SPEF1: variants seen among roughly 807,000 people sequenced by gnomAD.
The protein encoded by SPEF1 is sperm flagellar and cilia associated 1, also known as sperm flagella and cilia-associated protein 1.
Under a neutral mutation model 31.8 loss-of-function variants are expected in SPEF1, and 30 were observed. The observed-to-expected ratio is 0.94, with a 90% CI of 0.70 to 1.28. The LOEUF is 1.28. Ranked by LOEUF, SPEF1 falls within the 50% of genes most tolerant of loss-of-function variation. SPEF1 has a pLI of 0.00. For synonymous variants in SPEF1, 126 were observed against 130.1 expected (o/e 0.97, Z 0.21); for missense variants, 298 against 309.6 (o/e 0.96, Z 0.28).
At position 3,778,941 on chromosome 20, in the gene SPEF1, G is replaced by T. The variant is rs2088763214; in HGVS notation, c.418+10C>A. On this transcript the variant is annotated intron_variant, in intron 4 of 6. Transcript: ENST00000379756. Reference sequence around the variant, plus strand: ...CAACCGGGAGGGAGAAATGGAAAAGGCCACCTTACCCACATCCATGTAGCC... The same window carrying T: ...CAACCGGGAGGGAGAAATGGAAAAGTCCACCTTACCCACATCCATGTAGCC... The T allele has an allele frequency of 1.2e-6, 2 of 1,614,012 alleles. No individual in the cohort carries two copies. The highest frequency in any genetic ancestry group is 1.1e-5 in the South Asian group (1 of 91,088).
In SPEF1 at chr20:3,778,407, C is replaced by T. The variant is rs775776296; in HGVS notation, c.603+14G>A. On this transcript the variant is annotated intron_variant, in intron 6 of 6. Coordinates refer to ENST00000379756, the MANE Select transcript of SPEF1 (RefSeq NM_015417.5). Reference sequence around the variant, plus strand: ...GCCGCGAGCCCCCACCCGCAGCCTTCCTAGACCCCTCACCTGCACGGTCTC... The same window carrying T: ...GCCGCGAGCCCCCACCCGCAGCCTTTCTAGACCCCTCACCTGCACGGTCTC... The T allele has an allele frequency of 6.2e-7, 1 of 1,614,002 alleles. No homozygotes were observed. Among genetic ancestry groups the T allele is most frequent in the Non-Finnish European group, 8.5e-7 (1 of 1,179,950 alleles).
At position 3,778,616 on chromosome 20, in the gene SPEF1, A is replaced by G; in HGVS notation, c.480-72T>C. ...ACTCACCCTTCCAGGGCCCTCGACC[A>G]GGCCTTCCCTTCTCCCCCTCTAGCC... On this transcript the variant is annotated intron_variant, in intron 5 of 6. Transcript: ENST00000379756. 3 of 1,565,768 alleles carry G rather than the reference A, an allele frequency of 1.9e-6. No individual in the cohort carries two copies. In the South Asian group the frequency reaches 3.4e-5, roughly 18 times the overall value.
chr20:3,781,342 C>A lies in SPEF1; in HGVS notation c.-55G>T. The stretch of plus-strand genomic sequence containing the variant: ...GGTGCCGGGTCCCGCCCCAGCCTCA[C>A]GACCCTTCAGGCGCTTCCTTTCTCG... On this transcript the variant is annotated 5_prime_UTR_variant, in exon 1 of 7. Transcript: ENST00000379756. 2 of 1,580,684 alleles carry A rather than the reference C, an allele frequency of 1.3e-6. No individual in the cohort carries two copies. Among genetic ancestry groups the A allele is most frequent in the Non-Finnish European group, 8.6e-7 (1 of 1,164,948 alleles).
chr20:3,778,462 C>G lies in SPEF1; in HGVS notation c.562G>C (p.Glu188Gln). The G allele has an allele frequency of 1.2e-6, 2 of 1,613,860 alleles. No homozygotes were observed. Among genetic ancestry groups the G allele is most frequent in the Non-Finnish European group, 1.7e-6 (2 of 1,179,984 alleles). ...GAGGCCAACAGCTCCTGCTCCTTTT[C>G]AGCGATCTGGAGGACGAAGCTGGGG... Reference protein sequence around the residue: ...GDPSFVLQIAEKEQELLASQE... With the variant: ...GDPSFVLQIAQKEQELLASQE... Residue 188 changes from glutamate to glutamine, a missense_variant, in exon 6 of 7, where the codon GAA becomes CAA. Glu to Gln is a conservative substitution (Grantham distance 29). Coordinates refer to ENST00000379756, the MANE Select transcript of SPEF1 (RefSeq NM_015417.5).
chr20:3,779,770 C>A lies in SPEF1; in HGVS notation c.115G>T (p.Val39Phe). Residue 39 changes from valine (V) to phenylalanine (F), a missense_variant, in exon 2 of 7, where the codon GTT (valine) becomes TTT (phenylalanine). Coordinates refer to ENST00000379756, the MANE Select transcript of SPEF1 (RefSeq NM_015417.5). ...LSRDFSDGVL[V>F]AEVIKFYFPK... Reference sequence around the variant, plus strand: ...AAGTAAAACTTGATGACCTCTGCAACAAGGACTGAGGGAGAGGGGAGCAGA... The same window carrying A: ...AAGTAAAACTTGATGACCTCTGCAAAAAGGACTGAGGGAGAGGGGAGCAGA... 6.3e-7 allele frequency: 1 copy of A among 1,594,264 alleles called. No homozygotes were observed. Among genetic ancestry groups the A allele is most frequent in the Middle Eastern group, 1.7e-4 (1 of 6,010 alleles).
At chr20:3,778,671 G>C in intron 5 of SPEF1, 75 bp downstream of exon 5, 1 of 1,590,100 alleles carries the variant, frequency 6.3e-7, no homozygotes, top group Non-Finnish European at 8.6e-7. Context: ...CAGGCTCAGC[G>C]TACCGTGCCC....
In SPEF1 at chr20:3,777,617, T is replaced by A. The variant is rs2088752397; in HGVS notation, c.*595A>T. 1 of 152,392 alleles carries A rather than the reference T, an allele frequency of 6.6e-6. No individual in the cohort carries two copies. Among genetic ancestry groups the A allele is most frequent in the South Asian group, 2.1e-4 (1 of 4,836 alleles). 9.4% of individuals were successfully genotyped at this position (152,392 alleles called of 1,614,324 possible). A position where few individuals can be genotyped will look rare whatever the true frequency, so the allele number is the denominator to read the frequency against. On this transcript the variant is annotated 3_prime_UTR_variant, in exon 7 of 7. Transcript: ENST00000379756. This position sits in a 1 kb window ranked among gnomAD's most constrained non-coding sequence, Gnocchi z 4.1. Reference sequence around the variant, plus strand: ...GCGACTGCTACGGGCACATCGTCGATGTCCTCCCTACTCCTGGCGATCCCA... The same window carrying A: ...GCGACTGCTACGGGCACATCGTCGAAGTCCTCCCTACTCCTGGCGATCCCA...
Position 3,778,098 on chromosome 20 carries a change from C to T in SPEF1, c.*114G>A. The T allele has an allele frequency of 1.3e-6, 1 of 761,820 alleles. No individual in the cohort carries two copies. The highest frequency in any genetic ancestry group is 2.0e-6 in the Non-Finnish European group (1 of 489,788). The allele number at this position is 761,820 out of a possible 1,614,324, so 47.2% of individuals were successfully genotyped here. ...GAGGGCACTCGGGCCCCAGCAGGCT[C>T]GTGAGAGCAGCGGGCTCCGCCCTCC... On this transcript the variant is annotated 3_prime_UTR_variant, in exon 7 of 7. Transcript: ENST00000379756.
At chr20:3,778,640 C>T in intron 5 of SPEF1, 96 bp from the exon 6 acceptor site, 1 of 1,569,212 alleles carries the variant, frequency 6.4e-7, no homozygotes, top group South Asian at 1.1e-5. Context: ...CCCCCTCTAG[C>T]CCCTTTCCTG....
At chr20:3,779,630 A>C in intron 2 of SPEF1, 34 bp downstream of exon 2, 32 of 1,452,944 alleles carry the variant, frequency 2.2e-5, no homozygotes, top group Non-Finnish European at 2.9e-5. Context: ...CCAAGACCAT[A>C]GGAGATGATG....
rs1173295580 is a variant in SPEF1 at position 3,778,287 on chromosome 20, G to A, written c.636C>T (p.His212=). 3.7e-6 allele frequency: 6 copies of A among 1,612,542 alleles called. No homozygotes were observed. The South Asian group carries it at 5.5e-5, about 15-fold the overall frequency. ...VLQMKVRRLE[H]LLQLKNVRIE... Reference sequence around the variant, plus strand: ...TCCGCACATTCTTGAGCTGGAGCAGGTGCTCCAGGCGCCTTACCTTCATCT... The same window carrying A: ...TCCGCACATTCTTGAGCTGGAGCAGATGCTCCAGGCGCCTTACCTTCATCT... Residue 212 remains histidine, a synonymous_variant, in exon 7 of 7, where the codon CAC becomes CAT. Coordinates refer to ENST00000379756, the MANE Select transcript of SPEF1 (RefSeq NM_015417.5).
chr20:3,781,306 G>GCCGCCCCAGCGGTGCCGGGTC lies in SPEF1; in HGVS notation c.-40_-20dup. Reference sequence around the variant, plus strand: ...TCGCCATTGGCGTCCTCACGGCCTGGCCGCCCCAGCGGTGCCGGGTCCCGC... The same window carrying GCCGCCCCAGCGGTGCCGGGTC: ...TCGCCATTGGCGTCCTCACGGCCTGGCCGCCCCAGCGGTGCCGGGTCCCGCCCCAGCGGTGCCGGGTCCCGC... On this transcript the variant is annotated 5_prime_UTR_variant, in exon 1 of 7. Coordinates refer to ENST00000379756, the MANE Select transcript of SPEF1 (RefSeq NM_015417.5). 6.2e-7 allele frequency: 1 copy of GCCGCCCCAGCGGTGCCGGGTC among 1,610,196 alleles called. No homozygotes were observed. The highest frequency in any genetic ancestry group is 1.1e-5 in the South Asian group (1 of 90,750).
intron 4 of SPEF1, 23 bp downstream of exon 4, chr20:3,778,928 A>T (rs775380055): frequency 6.2e-7 from 1 of 1,614,108 alleles, no homozygotes; most frequent in South Asian, 1.1e-5. Flanking sequence ...ACCGGGAGGG[A>T]GAAATGGAAA....
At chr20:3,779,538 G>A in intron 2 of SPEF1, 126 bp downstream of exon 2, 1 of 896,866 alleles carries the variant, frequency 1.1e-6, no homozygotes. Flanking sequence ...TAATAGAAGA[G>A]TCTCTTGATT....
At chr20:3,779,481 A>T (rs2088767178) in intron 2 of SPEF1, 129 bp from the exon 3 acceptor site, 1 of 924,180 alleles carries the variant, frequency 1.1e-6, no homozygotes, top group South Asian at 1.6e-5. Flanking sequence ...AGCGCATCGC[A>T]TCTGAGCTTC....
intron 1 of SPEF1, among the ~76,000 whole-genome samples, chr20:3,780,944 T>C (rs2088775585): frequency 6.6e-6 from 1 of 151,444 alleles, no homozygotes; most frequent in Non-Finnish European, 1.5e-5. Flanking sequence ...TGGAGGGAGT[T>C]AGAGGCACCC....
rs191325862 is a variant in SPEF1, at chr20:3,778,689, C to T, written c.479+57G>A. 8.7e-5 allele frequency: 140 copies of T among 1,600,618 alleles called. No homozygotes were observed. In the African/African-American group the frequency reaches 1.8e-3, roughly 20 times the overall value. On this transcript the variant is annotated intron_variant, in intron 5 of 6. Transcript: ENST00000379756. ...GCTCAGCGTACCGTGCCCCCCAACC[C>T]CAGCTGTGTGCAGAGATCACCAGCC...
intron 2 of SPEF1, 32 bp from the exon 3 acceptor site, chr20:3,779,384 G>A (rs1032315166): frequency 6.4e-7 from 1 of 1,562,090 alleles, no homozygotes; most frequent in Non-Finnish European, 8.8e-7. Flanking sequence ...AGCAGATTGG[G>A]TCCTGGGGAA....
chr20:3,781,267 C>A lies in SPEF1; in HGVS notation c.21G>T (p.Glu7Asp), dbSNP rs372059714. ...ACAGGTACAGCTGGTGCAGCGCCTC[C>A]TCGTCCACGCTGCTCGCCATTGGCG... is the stretch of plus-strand genomic sequence containing the variant. MASSVD[E>D]EALHQLYLWV... is the part of the protein sequence containing the mutation. Residue 7 changes from glutamate (E) to aspartate (D), a missense_variant, in exon 1 of 7, where the codon GAG becomes GAT. Physicochemically the swap from Glu to Asp is conservative, Grantham distance 45 (BLOSUM62 2). Coordinates refer to ENST00000379756, the MANE Select transcript of SPEF1 (RefSeq NM_015417.5). 3.0e-5 allele frequency: 49 copies of A among 1,613,954 alleles called. No individual in the cohort carries two copies. In the Middle Eastern group the frequency reaches 3.3e-3, roughly 108 times the overall value.
Sources: gnomAD v4.1 joint callset for allele counts (sites outside exome capture counted in the v4.1 genomes callset) on GRCh38, gnomAD v4.1.1 for gene constraint, Gnocchi (gnomAD v3.1) non-coding constraint, MANE v1.5 for transcripts, NCBI Gene and HGNC (gene_info 2026-07-23, HGNC 2026-07-21) for gene names.